QRFPR: variants seen among roughly 807,000 people sequenced by gnomAD.
QRFPR encodes the protein pyroglutamylated RF-amide peptide receptor.
QRFPR carries 37 observed loss-of-function variants against 31.3 expected under a neutral mutation model. That is an observed-to-expected ratio of 1.18 (90% CI 0.91 to 1.56). The LOEUF is 1.56. Among genes scored for constraint, QRFPR ranks in the 40% most tolerant of loss-of-function variants. The pLI is 0.00. For synonymous variants in QRFPR, 197 were observed against 192.0 expected (o/e 1.03, Z -0.22); for missense variants, 542 against 532.5 (o/e 1.02, Z -0.18).
chr4:121,344,868 T>C (rs1224998589), intron 1 of QRFPR, among the ~76,000 whole-genome samples: 1 of 152,232 alleles, frequency 6.6e-6, no homozygotes, highest in African/African-American at 2.4e-5. Context: ...CTAAATTATT[T>C]GTAAGAATGT....
At chr4:121,346,067 T>C (rs71602325) in intron 1 of QRFPR, among the ~76,000 whole-genome samples, 27,448 of 151,916 alleles carry the variant, frequency 0.18, 2,779 homozygotes, top group Non-Finnish European at 0.24. Flanking sequence ...ACTCTGTGAA[T>C]AATTTGTTCC....
intron 1 of QRFPR, among the ~76,000 whole-genome samples, chr4:121,351,565 A>C (rs1553946893): frequency 6.6e-6 from 1 of 152,176 alleles, no homozygotes; most frequent in Non-Finnish European, 1.5e-5. Flanking sequence ...TAGGACAGTA[A>C]AGCAGAAATC....
intron 3 of QRFPR, among the ~76,000 whole-genome samples, chr4:121,334,891 C>T (rs573635225): frequency 5.3e-5 from 8 of 152,092 alleles, no homozygotes; most frequent in Non-Finnish European, 1.0e-4. Context: ...GTGGAATTTT[C>T]GAGAAGCGTA....
chr4:121,332,638 CTTG>C (rs759657877), intron 4 of QRFPR, among the ~76,000 whole-genome samples, 180 bp downstream of exon 4: 20 of 152,290 alleles, frequency 1.3e-4, no homozygotes, highest in African/African-American at 4.6e-4. Flanking sequence ...AGCTGGTAGT[CTTG>C]TTGTTTCTTT....
In QRFPR at chr4:121,331,175, GTTTTTTTTTT is replaced by G. The variant is rs397995185; in HGVS notation, c.798-662_798-653del. Among the ~76,000 whole-genome samples, 50 of 69,056 alleles carry G rather than the reference GTTTTTTTTTT, an allele frequency of 7.2e-4. 1 individual carries two copies. The highest frequency in any genetic ancestry group is 0.011 in the Middle Eastern group (1 of 94). 45.3% of individuals were successfully genotyped at this position (69,056 alleles called of 152,430 possible). A position where few individuals can be genotyped will look rare whatever the true frequency, so the allele number is the denominator to read the frequency against. On this transcript the variant is annotated intron_variant, in intron 4 of 5. Transcript: ENST00000394427. ...TGGATATCTATACGATATATCTTGG[GTTTTTTTTTT>G]TTTTTTTTTTTTTTTTTGAGACAAG...
chr4:121,352,398 G>T lies in QRFPR; in HGVS notation c.341-11788C>A, dbSNP rs1003380209. Among the ~76,000 whole-genome samples the T allele has an allele frequency of 7.2e-5, 11 of 151,898 alleles. No individual in the cohort carries two copies. In the South Asian group the frequency reaches 8.3e-4, roughly 11 times the overall value. On this transcript the variant is annotated intron_variant, in intron 1 of 5. Coordinates refer to ENST00000394427, the MANE Select transcript of QRFPR (RefSeq NM_198179.3). ...GATGACTGCAGTATCTCCAAGCACT[G>T]CATCTCAAAAAAGATTCAAAGACCA...
Position 121,380,822 on chromosome 4 carries a change from A to C in QRFPR, c.-175T>G. On this transcript the variant is annotated 5_prime_UTR_variant, in exon 1 of 6. Coordinates refer to ENST00000394427, the MANE Select transcript of QRFPR (RefSeq NM_198179.3). The stretch of plus-strand genomic sequence containing the variant: ...CCCGGGAGGTTCGGGAAAGGAGAGC[A>C]GCTCAGGGATCAAACCCACGATAAA... 1 of 594,450 alleles carries C rather than the reference A, an allele frequency of 1.7e-6. No homozygotes were observed. Among genetic ancestry groups the C allele is most frequent in the Non-Finnish European group, 2.9e-6 (1 of 341,640 alleles). 36.8% of individuals were successfully genotyped at this position (594,450 alleles called of 1,614,324 possible). A position where few individuals can be genotyped will look rare whatever the true frequency, so the allele number is the denominator to read the frequency against.
rs11935582 is a variant in QRFPR at position 121,328,764 on chromosome 4, T to A, written c.*550A>T. ...ATGGTTTACGAATTTTTCAAAAAAA[T>A]TTTTTTTGAGACGGGGAGTCTCGCT... On this transcript the variant is annotated 3_prime_UTR_variant, in exon 6 of 6. Coordinates refer to ENST00000394427, the MANE Select transcript of QRFPR (RefSeq NM_198179.3). Among the ~76,000 whole-genome samples, 4,200 of 152,104 alleles carry A rather than the reference T, an allele frequency of 0.028. 212 individuals carry two copies. Among genetic ancestry groups the A allele is most frequent in the African/African-American group, 0.094 (3,905 of 41,456 alleles).
intron 1 of QRFPR, among the ~76,000 whole-genome samples, chr4:121,343,469 G>T (rs1725582765): frequency 6.6e-6 from 1 of 152,230 alleles, no homozygotes; most frequent in Admixed American, 6.5e-5. Context: ...ACTTAAGGCC[G>T]TCTTTTATTT....
chr4:121,366,167 A>G (rs1226221592), intron 1 of QRFPR, among the ~76,000 whole-genome samples: 1 of 149,842 alleles, frequency 6.7e-6, no homozygotes, highest in Non-Finnish European at 1.5e-5. Flanking sequence ...CGTCAGTATA[A>G]CCAGTGTGGT....
chr4:121,354,394 C>G (rs1025785171), intron 1 of QRFPR, among the ~76,000 whole-genome samples: 1 of 151,746 alleles, frequency 6.6e-6, no homozygotes, highest in Non-Finnish European at 1.5e-5. Context: ...CTTTCACCAA[C>G]TTTTTATAGT....
At chr4:121,355,646 A>T (rs890208173) in intron 1 of QRFPR, among the ~76,000 whole-genome samples, 6 of 151,794 alleles carry the variant, frequency 4.0e-5, no homozygotes, top group Non-Finnish European at 8.8e-5. Flanking sequence ...GAGATACATT[A>T]TTAGATTGTT....
At chr4:121,372,788 C>T (rs1036104924) in intron 1 of QRFPR, among the ~76,000 whole-genome samples, 5 of 152,206 alleles carry the variant, frequency 3.3e-5, no homozygotes, top group African/African-American at 4.8e-5. Flanking sequence ...TGATATTCCA[C>T]TGTGTGTATA....
In QRFPR at chr4:121,363,685, T is replaced by C. The variant is rs146420229; in HGVS notation, c.340+16623A>G. ...TAAGAGTGAGGGGCCACAGGGACTA[T>C]GAGAAAGTAGAAAACCTGAAGACAA... On this transcript the variant is annotated intron_variant, in intron 1 of 5. Transcript: ENST00000394427. Among the ~76,000 whole-genome samples, 6 of 150,182 alleles carry C rather than the reference T, an allele frequency of 4.0e-5. 1 individual carries two copies. Among genetic ancestry groups the C allele is most frequent in the Non-Finnish European group, 7.4e-5 (5 of 67,620 alleles).
chr4:121,349,384 A>T (rs1439449111), intron 1 of QRFPR, among the ~76,000 whole-genome samples: 2 of 152,136 alleles, frequency 1.3e-5, no homozygotes, highest in Non-Finnish European at 2.9e-5. Context: ...TATACCTTTT[A>T]TATACAGATA....
intron 1 of QRFPR, among the ~76,000 whole-genome samples, chr4:121,377,977 T>A (rs1726388422): frequency 1.3e-5 from 2 of 152,214 alleles, no homozygotes; most frequent in Non-Finnish European, 2.9e-5. Context: ...TATTGATCTC[T>A]AGCCCCTCTG....
In QRFPR at chr4:121,332,673, G is replaced by A. The variant is rs539275713; in HGVS notation, c.797+148C>T. On this transcript the variant is annotated intron_variant, in intron 4 of 5. Coordinates refer to ENST00000394427, the MANE Select transcript of QRFPR (RefSeq NM_198179.3). ...CTTTCAGACACATGTAAAACTTCAAGAGTTTAAAATCAGTCCATGCCCTAA... is the reference window on the plus strand; with the variant it reads ...CTTTCAGACACATGTAAAACTTCAAAAGTTTAAAATCAGTCCATGCCCTAA... The A allele has an allele frequency of 2.5e-5, 16 of 633,170 alleles. No homozygotes were observed. The Admixed American group carries it at 3.6e-4, about 14-fold the overall frequency. 39.2% of individuals were successfully genotyped at this position (633,170 alleles called of 1,614,324 possible).
chr4:121,363,406 G>A (rs1726027645), intron 1 of QRFPR, among the ~76,000 whole-genome samples: 2 of 149,894 alleles, frequency 1.3e-5, no homozygotes, highest in Admixed American at 6.6e-5. Context: ...CTAAAGCACT[G>A]CCCTTCCTTA....
chr4:121,357,527 C>T (rs1476767638), intron 1 of QRFPR, among the ~76,000 whole-genome samples: 1 of 152,154 alleles, frequency 6.6e-6, no homozygotes, highest in East Asian at 1.9e-4. Flanking sequence ...GGCAGATATT[C>T]AGATTCCCTC....
Sources: gnomAD v4.1 joint callset for allele counts (sites outside exome capture counted in the v4.1 genomes callset) on GRCh38, gnomAD v4.1.1 for gene constraint, MANE v1.5 for transcripts, NCBI Gene and HGNC (gene_info 2026-07-23, HGNC 2026-07-21) for gene names.